The following SSH1 variants were observed in gnomAD, a reference collection of about 807,000 sequenced individuals.
SSH1 encodes protein phosphatase Slingshot homolog 1.
A neutral mutation model predicts 79.7 loss-of-function variants in SSH1; 43 were observed. That is an observed-to-expected ratio of 0.54 (90% confidence interval 0.42 to 0.70). SSH1 has a LOEUF of 0.70. SSH1 is among the 30% of genes least tolerant of loss of function. The pLI, the probability that SSH1 is intolerant of heterozygous loss-of-function variation, is 0.00. For synonymous variants in SSH1, 599 were observed against 538.3 expected (o/e 1.11, Z -1.56); for missense variants, 1,206 against 1,358.8 (o/e 0.89, Z 1.77).
In SSH1 at chr12:108,788,404, AG is replaced by A; in HGVS notation, c.2733del (p.Ser912GlnfsTer5). ...CAGATGGTCTTCAGAAAGTCTTTTG[AG>A]AAACTACTGGTGTGGTCCAGGCGGT... is the stretch of plus-strand genomic sequence containing the variant. ...FFYRLDHTSS[F>X]SKDFLKTICY... On this transcript the variant is annotated frameshift_variant, in exon 15 of 15. Coordinates refer to ENST00000326495, the MANE Select transcript of SSH1 (RefSeq NM_018984.4). LOFTEE classifies it high-confidence loss of function. 1 of 1,610,184 alleles carries A rather than the reference AG, an allele frequency of 6.2e-7. No individual in the cohort carries two copies. The highest frequency in any genetic ancestry group is 8.5e-7 in the Non-Finnish European group (1 of 1,178,652).
At chr12:108,815,720 A>G (rs1230396422) in intron 5 of SSH1, among the ~76,000 whole-genome samples, 5 of 152,280 alleles carry the variant, frequency 3.3e-5, no homozygotes, top group East Asian at 1.9e-4. Flanking sequence ...CCTATGCTAC[A>G]GGTTCTTCTA....
At chr12:108,827,412 C>T (rs1240333719) in intron 2 of SSH1, 4 of 1,412,650 alleles carry the variant, frequency 2.8e-6, no homozygotes, top group South Asian at 1.7e-5. Context: ...CCATCTGCTC[C>T]CTATGGAGAT....
intron 1 of SSH1, among the ~76,000 whole-genome samples, chr12:108,856,705 C>T (rs575779705): frequency 1.3e-5 from 2 of 152,324 alleles, no homozygotes; most frequent in Admixed American, 1.3e-4. Flanking sequence ...GGGGCACTCC[C>T]AGATGCCTGT....
chr12:108,826,753 C>A (rs540372812), intron 2 of SSH1, among the ~76,000 whole-genome samples: 1 of 150,860 alleles, frequency 6.6e-6, no homozygotes, highest in African/African-American at 2.4e-5. Flanking sequence ...ATTCATCAGA[C>A]CCTCAAAGTG....
At position 108,792,387 on chromosome 12, in the gene SSH1, C is replaced by A. The variant is rs1415599506; in HGVS notation, c.1792G>T (p.Ala598Ser). ...GTTGGAAGCTGCCCCCACCTCCCTG[C>A]TCCCAGGCCCTCCTCCCTTTCCGTC... ...EETEREEGLG[A>S]GRWGQLPTQL... The change falls in exon 14 of 15, where the codon GCA becomes TCA. Residue 598 changes from alanine (A) to serine (S), a missense_variant. Physicochemically the swap from Ala to Ser is moderately conservative, Grantham distance 99. Around this residue, in one of 5 missense-constraint regions of SSH1, gnomAD observed 709 missense variants for 730.6 expected, o/e 0.97. Transcript: ENST00000326495. 5 of 1,614,222 alleles carry A rather than the reference C, an allele frequency of 3.1e-6. No individual in the cohort carries two copies. Among genetic ancestry groups the A allele is most frequent in the Non-Finnish European group, 4.2e-6 (5 of 1,180,032 alleles).
At chr12:108,813,745 A>AG (rs2037742894) in intron 5 of SSH1, among the ~76,000 whole-genome samples, 1 of 24,452 alleles carries the variant, frequency 4.1e-5, no homozygotes, top group African/African-American at 1.7e-4. Context: ...AGGAAAGGGA[A>AG]GGGGAGGGGA....
chr12:108,792,795 T>C lies in SSH1; in HGVS notation c.1384A>G (p.Thr462Ala). The change falls in exon 14 of 15, where the codon ACA becomes GCA. Residue 462 changes from threonine to alanine, a missense_variant. Physicochemically the swap from Thr to Ala is moderately conservative, Grantham distance 58. This residue lies in a region of SSH1 where 166 missense variants were observed against 262.9 expected (regional missense o/e 0.63). Coordinates refer to ENST00000326495, the MANE Select transcript of SSH1 (RefSeq NM_018984.4). ...ACAGGCTGCTGGAGGCTGCTGTCTG[T>C]CTGCTGACGCCACAGCTTGTTGTGC... ...QRHNKLWRQQ[T>A]DSSLQQPVDD... 3 of 1,613,778 alleles carry C rather than the reference T, an allele frequency of 1.9e-6. No homozygotes were observed. The highest frequency in any genetic ancestry group is 2.5e-6 in the Non-Finnish European group (3 of 1,180,020).
At chr12:108,798,517 T>C (rs533874695) in intron 13 of SSH1, among the ~76,000 whole-genome samples, 1 of 152,206 alleles carries the variant, frequency 6.6e-6, no homozygotes, top group African/African-American at 2.4e-5. Context: ...TGGGCATTAA[T>C]TCTTAGAAGA....
In SSH1 at chr12:108,821,436, G is replaced by C. The variant is rs543046578; in HGVS notation, c.214+1822C>G. Among the ~76,000 whole-genome samples the C allele has an allele frequency of 3.1e-4, 47 of 151,748 alleles. 1 individual carries two copies. Among genetic ancestry groups the C allele is most frequent in the African/African-American group, 1.1e-3 (47 of 41,332 alleles). On this transcript the variant is annotated intron_variant, in intron 3 of 14. Coordinates refer to ENST00000326495, the MANE Select transcript of SSH1 (RefSeq NM_018984.4). ...AATTAAAAAAAAAAAAAGAATGAAG[G>C]GTCTGTTTATAGCTGTATTGTACTA...
intron 2 of SSH1, among the ~76,000 whole-genome samples, chr12:108,831,260 G>GAGT (rs1285066164): frequency 1.3e-5 from 2 of 152,196 alleles, no homozygotes; most frequent in Non-Finnish European, 2.9e-5. Flanking sequence ...GGTGATTACT[G>GAGT]AGGGGACTGT....
intron 13 of SSH1, among the ~76,000 whole-genome samples, chr12:108,794,361 A>C (rs1232721322): frequency 1.3e-5 from 2 of 152,170 alleles, no homozygotes; most frequent in Non-Finnish European, 2.9e-5. Context: ...TTTTGCACAC[A>C]GCACCCTGAC....
intron 5 of SSH1, 100 bp from the exon 6 acceptor site, chr12:108,811,428 A>G: frequency 9.6e-7 from 1 of 1,044,880 alleles, no homozygotes; most frequent in South Asian, 1.3e-5. Context: ...TGTTGGACGT[A>G]CGTGTGGGAG....
intron 10 of SSH1, among the ~76,000 whole-genome samples, chr12:108,803,277 T>G (rs1243232106): frequency 1.3e-5 from 2 of 152,076 alleles, no homozygotes; most frequent in Non-Finnish European, 2.9e-5. Context: ...TCAGACTTTC[T>G]GCAACATGTT....
rs2036677945 is a variant in SSH1 at position 108,794,881 on chromosome 12, A to ACT, written c.1350-2053_1350-2052insAG. ...TTGTGGGGGGTGGGTGGGAAGGAAG[A>ACT]CACAGGACAGAACTCAAAGTCATCC... is the stretch of plus-strand genomic sequence containing the variant. On this transcript the variant is annotated intron_variant, in intron 13 of 14. Coordinates refer to ENST00000326495, the MANE Select transcript of SSH1 (RefSeq NM_018984.4). 2.0e-5 allele frequency among the ~76,000 whole-genome samples: 3 copies of ACT among 152,140 alleles called. 1 individual carries two copies. The highest frequency in any genetic ancestry group is 7.2e-5 in the African/African-American group (3 of 41,428).
At chr12:108,824,467 A>G (rs1478760894) in intron 2 of SSH1, among the ~76,000 whole-genome samples, 1 of 150,838 alleles carries the variant, frequency 6.6e-6, no homozygotes, top group African/African-American at 2.5e-5. Flanking sequence ...AAAAAAAAAA[A>G]GAAAGAAAGA....
In SSH1 at chr12:108,800,944, T is replaced by C. The variant is rs779680252; in HGVS notation, c.1002-18A>G. ...AATCAACCCTGCAATGAGAAAAAAATAAGAAACAAATTTGGACAATCTGAA... is the reference window on the plus strand; with the variant it reads ...AATCAACCCTGCAATGAGAAAAAAACAAGAAACAAATTTGGACAATCTGAA... On this transcript the variant is annotated intron_variant, in intron 11 of 14. Coordinates refer to ENST00000326495, the MANE Select transcript of SSH1 (RefSeq NM_018984.4). The C allele has an allele frequency of 1.2e-6, 2 of 1,610,152 alleles. No individual in the cohort carries two copies. The highest frequency in any genetic ancestry group is 1.7e-6 in the Non-Finnish European group (2 of 1,177,796).
Position 108,789,092 on chromosome 12 carries a change from G to A in SSH1, c.2046C>T (p.Phe682=). 1 of 1,613,786 alleles carries A rather than the reference G, an allele frequency of 6.2e-7. No individual in the cohort carries two copies. Among genetic ancestry groups the A allele is most frequent in the Non-Finnish European group, 8.5e-7 (1 of 1,179,754 alleles). ...NAPAICTQPA[F]LPHITSSPVA... is the part of the protein sequence containing the mutation. ...CAGGGGAGGACGTGATGTGGGGTAG[G>A]AAGGCTGGCTGGGTGCAGATGGCGG... Residue 682 remains phenylalanine (F), a synonymous_variant, in exon 15 of 15, where the codon TTC becomes TTT. Transcript: ENST00000326495.
chr12:108,828,573 TG>T, intron 2 of SSH1, among the ~76,000 whole-genome samples: 1 of 152,000 alleles, frequency 6.6e-6, no homozygotes, highest in Non-Finnish European at 1.5e-5. Context: ...GCATCATGCG[TG>T]GGAAAGAGAG....
chr12:108,818,424 T>C (rs1593082934), intron 3 of SSH1, 111 bp from the exon 4 acceptor site: 4 of 940,708 alleles, frequency 4.3e-6, no homozygotes, highest in Admixed American at 4.3e-5. Context: ...AAGTTAAAAT[T>C]TGTCTACCTA....
Sources: allele counts gnomAD v4.1 joint callset (sites outside exome capture counted in the v4.1 genomes callset), GRCh38; gene constraint gnomAD v4.1.1; regional missense constraint gnomAD v4.1.1; transcripts MANE v1.5; gene names NCBI Gene and HGNC (gene_info 2026-07-23, HGNC 2026-07-21).